The following KHDRBS3 variants were observed in gnomAD, a reference collection of about 807,000 sequenced individuals.
The protein encoded by KHDRBS3 is KH RNA binding domain containing, signal transduction associated 3, also known as KH domain-containing, RNA-binding, signal transduction-associated protein 3.
In KHDRBS3, 23 loss-of-function variants were observed where a neutral mutation model predicts 45.6. The ratio of observed to expected loss-of-function variants is 0.50; its 90% CI spans 0.36 to 0.72. The LOEUF is 0.72. KHDRBS3 is among the 30% of genes least tolerant of loss of function. KHDRBS3 has a pLI of 0.00. For synonymous variants in KHDRBS3, 162 were observed against 156.5 expected (o/e 1.04, Z -0.26); for missense variants, 352 against 424.8 (o/e 0.83, Z 1.51).
At chr8:135,562,844 T>A (rs1381938660) in intron 5 of KHDRBS3, among the ~76,000 whole-genome samples, 1 of 152,178 alleles carries the variant, frequency 6.6e-6, no homozygotes, top group Non-Finnish European at 1.5e-5. Context: ...AAAAACATAC[T>A]TGTTGGAGCC....
At chr8:135,597,376 C>T (rs1829017525) in intron 6 of KHDRBS3, among the ~76,000 whole-genome samples, 2 of 152,204 alleles carry the variant, frequency 1.3e-5, no homozygotes, top group Admixed American at 1.3e-4. Flanking sequence ...AGTATACAAA[C>T]ATGCAAACCA....
chr8:135,502,445 A>G (rs1823781682), intron 1 of KHDRBS3, among the ~76,000 whole-genome samples: 1 of 152,034 alleles, frequency 6.6e-6, no homozygotes, highest in South Asian at 2.1e-4. Flanking sequence ...CTAGAATACT[A>G]CTCATTCTGA....
At chr8:135,476,847 G>T (rs1262997593) in intron 1 of KHDRBS3, among the ~76,000 whole-genome samples, 2 of 152,146 alleles carry the variant, frequency 1.3e-5, no homozygotes, top group African/African-American at 4.8e-5. Flanking sequence ...ATTGAAAGAT[G>T]GGAATAGAGG....
intron 5 of KHDRBS3, among the ~76,000 whole-genome samples, chr8:135,578,402 T>C (rs1359341829): frequency 1.3e-5 from 2 of 152,136 alleles, no homozygotes. Flanking sequence ...TTTTGTGAAA[T>C]ATGTCTGTGT....
At chr8:135,556,252 G>C (rs988561999) in intron 4 of KHDRBS3, among the ~76,000 whole-genome samples, 27 of 152,200 alleles carry the variant, frequency 1.8e-4, no homozygotes, top group African/African-American at 6.0e-4. Context: ...TATATGCCCA[G>C]TAATGGGATT....
At chr8:135,459,380 T>C (rs142138050) in intron 1 of KHDRBS3, among the ~76,000 whole-genome samples, 2,080 of 152,334 alleles carry the variant, frequency 0.014, 23 homozygotes, top group Non-Finnish European at 0.02. Context: ...CTTATTTTTA[T>C]TTCTTTAATA....
At chr8:135,626,877 G>C (rs1288209771) in intron 7 of KHDRBS3, among the ~76,000 whole-genome samples, 5 of 95,994 alleles carry the variant, frequency 5.2e-5, no homozygotes, top group Non-Finnish European at 1.4e-4. Context: ...TATTCTCCTT[G>C]TCTCCTTTTT....
chr8:135,643,407 G>A (rs1831147104), intron 7 of KHDRBS3, among the ~76,000 whole-genome samples: 2 of 152,146 alleles, frequency 1.3e-5, no homozygotes, highest in African/African-American at 4.8e-5. Context: ...TGAGAACCAG[G>A]GCATGCTGTC....
chr8:135,526,674 G>A (rs1409969484), intron 2 of KHDRBS3, among the ~76,000 whole-genome samples: 1 of 152,180 alleles, frequency 6.6e-6, no homozygotes, highest in African/African-American at 2.4e-5. Flanking sequence ...TCTGGGGCAA[G>A]AGAGAACTAC....
intron 6 of KHDRBS3, among the ~76,000 whole-genome samples, chr8:135,602,709 C>T (rs1346784625): frequency 6.6e-6 from 1 of 152,166 alleles, no homozygotes; most frequent in African/African-American, 2.4e-5. Context: ...TTTTGCCCAA[C>T]TGTGTGCACG....
chr8:135,544,131 T>C (rs1826175849), intron 3 of KHDRBS3, among the ~76,000 whole-genome samples: 1 of 152,174 alleles, frequency 6.6e-6, no homozygotes, highest in Non-Finnish European at 1.5e-5. Flanking sequence ...ATATCTTAGT[T>C]CACGCTCTAA....
rs1036500744 is a variant in KHDRBS3 at position 135,576,841 on chromosome 8, A to T, written c.612-5037A>T. Among the ~76,000 whole-genome samples the T allele has an allele frequency of 2.0e-5, 3 of 152,232 alleles. No homozygotes were observed. The East Asian group carries it at 5.8e-4, about 29-fold the overall frequency. On this transcript the variant is annotated intron_variant, in intron 5 of 8. Coordinates refer to ENST00000355849, the MANE Select transcript of KHDRBS3 (RefSeq NM_006558.3). The stretch of plus-strand genomic sequence containing the variant: ...CTAACCTATGTATATACACATATTT[A>T]TGCATATTTAACCATCTGTAAATAT...
chr8:135,517,703 A>T (rs1260066352), intron 1 of KHDRBS3, among the ~76,000 whole-genome samples: 1 of 152,210 alleles, frequency 6.6e-6, no homozygotes, highest in African/African-American at 2.4e-5. Context: ...TTCATGATTT[A>T]AACCAGGTCT....
chr8:135,551,401 A>G (rs575172827), intron 4 of KHDRBS3, among the ~76,000 whole-genome samples: 1 of 152,170 alleles, frequency 6.6e-6, no homozygotes, highest in African/African-American at 2.4e-5. Flanking sequence ...ACCCTTTGTC[A>G]TGTTGAAGAA....
intron 1 of KHDRBS3, among the ~76,000 whole-genome samples, chr8:135,485,842 T>TTATATATATATATATATATATGTATATA (rs1822829912): frequency 8.3e-6 from 1 of 120,346 alleles, no homozygotes; most frequent in African/African-American, 3.7e-5. Flanking sequence ...CATTTCAAGT[T>TTATATATATATATATATATATGTATATA]TATATATATA....
At chr8:135,626,478 A>C (rs898566714) in intron 7 of KHDRBS3, among the ~76,000 whole-genome samples, 2 of 152,178 alleles carry the variant, frequency 1.3e-5, no homozygotes, top group Admixed American at 6.5e-5. Context: ...GCTTCCTGGC[A>C]TGGTGGACTT....
At chr8:135,548,643 C>T (rs1826429568) in intron 3 of KHDRBS3, 111 bp from the exon 4 acceptor site, 1 of 849,540 alleles carries the variant, frequency 1.2e-6, no homozygotes, top group African/African-American at 1.8e-5. Flanking sequence ...CAACCGCTTG[C>T]CAGATGGATT....
intron 1 of KHDRBS3, among the ~76,000 whole-genome samples, chr8:135,482,931 C>T (rs1025850899): frequency 6.6e-6 from 1 of 152,086 alleles, no homozygotes; most frequent in African/African-American, 2.4e-5. Context: ...AATGTTAATT[C>T]CTTTCTTTTT....
At chr8:135,613,806 A>G (rs893344735) in intron 7 of KHDRBS3, among the ~76,000 whole-genome samples, 14 of 151,654 alleles carry the variant, frequency 9.2e-5, no homozygotes, top group African/African-American at 3.4e-4. Context: ...TAAGACAGCA[A>G]GGCGGCCTGG....
Sources: gnomAD v4.1 joint callset for allele counts (sites outside exome capture counted in the v4.1 genomes callset) on GRCh38, gnomAD v4.1.1 for gene constraint, MANE v1.5 for transcripts, NCBI Gene and HGNC (gene_info 2026-07-23, HGNC 2026-07-21) for gene names.